The following EYS variants were observed in gnomAD, a reference collection of about 807,000 sequenced individuals.
EYS encodes the protein protein eyes shut homolog.
EYS carries 250 observed loss-of-function variants against 282.1 expected under a neutral mutation model. The observed-to-expected ratio is 0.89, with a 90% confidence interval of 0.80 to 0.98. The LOEUF (loss-of-function observed/expected upper bound fraction) is 0.98, where lower values mean the gene tolerates loss of function less well. EYS is among the 50% of genes least tolerant of loss of function. The pLI, the probability that EYS is intolerant of heterozygous loss-of-function variation, is 0.00. For missense variants in EYS, 4,016 were observed against 3,709.0 expected (o/e 1.08, Z -2.15); for synonymous variants, 1,355 against 1,282.9 (o/e 1.06, Z -1.20).
At chr6:64,307,784 A>G (rs1769509793) in intron 29 of EYS, among the ~76,000 whole-genome samples, 2 of 152,120 alleles carry the variant, frequency 1.3e-5, no homozygotes, top group East Asian at 3.9e-4. Flanking sequence ...CACTATAGTT[A>G]CTATTTTACT....
intron 12 of EYS, among the ~76,000 whole-genome samples, chr6:65,165,567 T>C (rs1376379890): frequency 6.6e-6 from 1 of 151,202 alleles, no homozygotes; most frequent in Non-Finnish European, 1.5e-5. Context: ...TCATTAACAG[T>C]TCACTTTTTC....
intron 31 of EYS, among the ~76,000 whole-genome samples, chr6:64,143,932 G>C (rs1774429772): frequency 6.6e-6 from 1 of 152,106 alleles, no homozygotes; most frequent in Admixed American, 6.6e-5. Context: ...CTTTTGAGCA[G>C]GTTAACTTCT....
chr6:64,393,956 A>G (rs1180073179), intron 28 of EYS, among the ~76,000 whole-genome samples: 6 of 152,024 alleles, frequency 3.9e-5, no homozygotes, highest in Admixed American at 6.6e-5. Context: ...AAATCAATGT[A>G]CAAAAATCAC....
In EYS at chr6:65,096,028, G is replaced by A. The variant is rs549846429; in HGVS notation, c.2024-38301C>T. Among the ~76,000 whole-genome samples the A allele has an allele frequency of 4.6e-5, 7 of 150,744 alleles. No homozygotes were observed. In the South Asian group the frequency reaches 1.3e-3, roughly 27 times the overall value. The stretch of plus-strand genomic sequence containing the variant: ...ACGTTTATCTGTTTGGAGATGACAG[G>A]GTCTCATATGTAGAAAACCCTAATG... On this transcript the variant is annotated intron_variant, in intron 12 of 42. Transcript: ENST00000503581.
chr6:64,840,610 G>T (rs775990503), intron 19 of EYS, among the ~76,000 whole-genome samples: 2 of 152,078 alleles, frequency 1.3e-5, no homozygotes, highest in Non-Finnish European at 2.9e-5. Flanking sequence ...GGATAACACT[G>T]AACCCTCATT....
chr6:63,832,603 C>G (rs1019114772), intron 36 of EYS, among the ~76,000 whole-genome samples: 1 of 152,210 alleles, frequency 6.6e-6, no homozygotes, highest in East Asian at 1.9e-4. Flanking sequence ...AAGTCCAGGA[C>G]CAGACGGATT....
chr6:64,021,419 G>C (rs1769185786), intron 33 of EYS, among the ~76,000 whole-genome samples: 1 of 151,802 alleles, frequency 6.6e-6, no homozygotes, highest in African/African-American at 2.4e-5. Context: ...CTAGTAGGCA[G>C]AGGTCAGGGA....
intron 35 of EYS, among the ~76,000 whole-genome samples, chr6:63,874,199 A>ACATATG (rs1772898124): frequency 5.3e-5 from 8 of 152,206 alleles, no homozygotes; most frequent in South Asian, 4.1e-4. Context: ...ATCCAATTTC[A>ACATATG]GCTTTCTACA....
chr6:65,419,005 C>T (rs1313548210), intron 5 of EYS, among the ~76,000 whole-genome samples: 1 of 151,830 alleles, frequency 6.6e-6, no homozygotes, highest in African/African-American at 2.4e-5. Context: ...GCTGAAAGCA[C>T]CTCAACCCCT....
intron 31 of EYS, among the ~76,000 whole-genome samples, chr6:64,172,071 G>T (rs985243848): frequency 6.6e-6 from 1 of 152,102 alleles, no homozygotes; most frequent in African/African-American, 2.4e-5. Flanking sequence ...GAAGAGGGAT[G>T]GCAGAATAAT....
chr6:65,645,174 C>T (rs1767409699), intron 1 of EYS, among the ~76,000 whole-genome samples: 1 of 151,994 alleles, frequency 6.6e-6, no homozygotes, highest in Non-Finnish European at 1.5e-5. Context: ...CTATACCCTA[C>T]AGCAAATGGA....
At chr6:63,988,200 T>C (rs1767453754) in intron 34 of EYS, among the ~76,000 whole-genome samples, 1 of 151,652 alleles carries the variant, frequency 6.6e-6, no homozygotes, top group African/African-American at 2.4e-5. Flanking sequence ...GATCCACTGT[T>C]ACAAGACTCT....
chr6:65,684,979 G>T (rs959463831), intron 1 of EYS, among the ~76,000 whole-genome samples: 11 of 151,938 alleles, frequency 7.2e-5, no homozygotes, highest in South Asian at 4.1e-4. Flanking sequence ...ACTTATGAAT[G>T]AAAACAGGCA....
chr6:65,425,599 T>A (rs1167961975), intron 5 of EYS, among the ~76,000 whole-genome samples: 1 of 152,114 alleles, frequency 6.6e-6, no homozygotes, highest in Non-Finnish European at 1.5e-5. Flanking sequence ...TCTAAAGCAT[T>A]TATGTTAAAC....
chr6:64,761,773 C>A (rs1245204048), intron 22 of EYS, among the ~76,000 whole-genome samples: 1 of 151,884 alleles, frequency 6.6e-6, no homozygotes, highest in Non-Finnish European at 1.5e-5. Flanking sequence ...TTAAATTCTT[C>A]GAGGACTAAA....
At chr6:64,594,171 C>G (rs534394892) in intron 24 of EYS, among the ~76,000 whole-genome samples, 1 of 152,212 alleles carries the variant, frequency 6.6e-6, no homozygotes, top group African/African-American at 2.4e-5. Flanking sequence ...TCTGTAGTCA[C>G]TTTCAACTCA....
chr6:65,360,455 T>A (rs1449566488), intron 8 of EYS, among the ~76,000 whole-genome samples: 1 of 152,080 alleles, frequency 6.6e-6, no homozygotes, highest in Middle Eastern at 3.2e-3. Flanking sequence ...CATAGAATAA[T>A]GCAAAATGAA....
intron 29 of EYS, 98 bp downstream of exon 29, chr6:64,388,592 A>C: frequency 8.3e-7 from 1 of 1,203,686 alleles, no homozygotes; most frequent in Non-Finnish European, 1.1e-6. Context: ...CCCACTAGCC[A>C]GAAAATATTT....
intron 31 of EYS, among the ~76,000 whole-genome samples, chr6:64,184,086 G>A (rs939055552): frequency 3.9e-5 from 6 of 152,004 alleles, no homozygotes; most frequent in Admixed American, 2.0e-4. Flanking sequence ...TGTCCCTCCC[G>A]TTTGTCCTGG....
Sources: gnomAD v4.1 joint callset for allele counts (sites outside exome capture counted in the v4.1 genomes callset) on GRCh38, gnomAD v4.1.1 for gene constraint, MANE v1.5 for transcripts, NCBI Gene and HGNC (gene_info 2026-07-23, HGNC 2026-07-21) for gene names.